Variants in ZNF569 observed in about 807,000 individuals in gnomAD.
ZNF569 encodes the protein DNA-binding protein.
ZNF569 carries 38 observed loss-of-function variants against 56.3 expected under a neutral mutation model. The observed-to-expected ratio is 0.68, with a 90% CI of 0.52 to 0.88. The LOEUF (loss-of-function observed/expected upper bound fraction) is 0.88. ZNF569 is among the 40% of genes least tolerant of loss of function. ZNF569 has a pLI of 0.00. For synonymous variants in ZNF569, 241 were observed against 262.9 expected (o/e 0.92, Z 0.81); for missense variants, 666 against 809.2 (o/e 0.82, Z 2.15).
intron 5 of ZNF569, among the ~76,000 whole-genome samples, chr19:37,425,248 C>T (rs963834335): frequency 2.0e-5 from 3 of 151,712 alleles, no homozygotes; most frequent in Non-Finnish European, 4.4e-5. Flanking sequence ...ACCTCCTAGG[C>T]TCAAGTGATC....
rs201570651 is a variant in ZNF569 at position 37,413,754 on chromosome 19, C to G, written c.904G>C (p.Glu302Gln). Reference protein sequence around the residue: ...HTGEKPYECNECGKAFSQKQS... With the variant: ...HTGEKPYECNQCGKAFSQKQS... Reference sequence around the variant, plus strand: ...TTCTGGCTGAATGCTTTTCCACACTCATTACATTCATAAGGTTTCTCTCCA... The same window carrying G: ...TTCTGGCTGAATGCTTTTCCACACTGATTACATTCATAAGGTTTCTCTCCA... The change falls in exon 6 of 6, where the codon GAG becomes CAG. Residue 302 changes from glutamate to glutamine, a missense_variant. Coordinates refer to ENST00000316950, the MANE Select transcript of ZNF569 (RefSeq NM_152484.3). 2 of 1,613,546 alleles carry G rather than the reference C, an allele frequency of 1.2e-6. No homozygotes were observed. Among genetic ancestry groups the G allele is most frequent in the Non-Finnish European group, 1.7e-6 (2 of 1,179,916 alleles).
chr19:37,444,755 A>G, intron 3 of ZNF569, 152 bp downstream of exon 3: 1 of 551,312 alleles, frequency 1.8e-6, no homozygotes, highest in Non-Finnish European at 3.1e-6. Context: ...CCACATTTTA[A>G]CTCTTCCCTA....
chr19:37,412,497 C>A lies in ZNF569; in HGVS notation c.*100G>T. On this transcript the variant is annotated 3_prime_UTR_variant, in exon 6 of 6. Coordinates refer to ENST00000316950, the MANE Select transcript of ZNF569 (RefSeq NM_152484.3). ...TTGTGGCTTTTTCAGAAGGCTATCC[C>A]ACATTCATAGTTTTCTACTCTGGAA... The A allele has an allele frequency of 7.1e-7, 1 of 1,406,766 alleles. No homozygotes were observed. The highest frequency in any genetic ancestry group is 9.3e-7 in the Non-Finnish European group (1 of 1,079,950). The allele number at this position is 1,406,766 out of a possible 1,614,324, so 87.1% of individuals were successfully genotyped here.
At chr19:37,460,879 T>G (rs1018842539) in intron 2 of ZNF569, among the ~76,000 whole-genome samples, 4 of 151,624 alleles carry the variant, frequency 2.6e-5, no homozygotes, top group African/African-American at 9.7e-5. Context: ...TTCTGGGAGA[T>G]AGTCAAAGGT....
intron 3 of ZNF569, among the ~76,000 whole-genome samples, chr19:37,442,820 A>C (rs1489848542): frequency 6.6e-6 from 1 of 152,240 alleles, no homozygotes; most frequent in Non-Finnish European, 1.5e-5. Context: ...AGCCAGACAC[A>C]GAATACACAG....
chr19:37,450,355 A>G (rs2146953793), intron 2 of ZNF569, among the ~76,000 whole-genome samples: 1 of 152,272 alleles, frequency 6.6e-6, no homozygotes, highest in East Asian at 1.9e-4. Flanking sequence ...ACATTTTATA[A>G]TATTTCTTCA....
rs551063079 is a variant in ZNF569, at chr19:37,420,239, C to T, written c.238+5629G>A. Reference sequence around the variant, plus strand: ...TCCTGACCTCGTGATCTGCCCACCTCGGCCTCCCAAAGTGCTCGGATTACA... The same window carrying T: ...TCCTGACCTCGTGATCTGCCCACCTTGGCCTCCCAAAGTGCTCGGATTACA... On this transcript the variant is annotated intron_variant, in intron 5 of 5. Transcript: ENST00000316950. 5.9e-5 allele frequency among the ~76,000 whole-genome samples: 9 copies of T among 152,090 alleles called. No individual in the cohort carries two copies. The South Asian group carries it at 6.2e-4, about 11-fold the overall frequency.
rs115252356 is a variant in ZNF569 at position 37,420,603 on chromosome 19, G to A, written c.238+5265C>T. ...CTGCAGCAATTCAGTCACATCTTCC[G>A]GCTCTACTTCTAATTCTACTTCTCT... On this transcript the variant is annotated intron_variant, in intron 5 of 5. Coordinates refer to ENST00000316950, the MANE Select transcript of ZNF569 (RefSeq NM_152484.3). Among the ~76,000 whole-genome samples, 1,055 of 152,094 alleles carry A rather than the reference G, an allele frequency of 6.9e-3. 15 individuals are homozygous for A. The highest frequency in any genetic ancestry group is 0.024 in the African/African-American group (982 of 41,482).
intron 2 of ZNF569, chr19:37,454,703 G>C (rs975323030): frequency 8.4e-6 from 5 of 596,478 alleles, no homozygotes; most frequent in South Asian, 8.1e-5. Flanking sequence ...GATTCCCAGA[G>C]GAAAAGCCTA....
chr19:37,415,953 G>A (rs996802431), intron 5 of ZNF569, among the ~76,000 whole-genome samples: 17 of 151,042 alleles, frequency 1.1e-4, no homozygotes, highest in African/African-American at 3.9e-4. Flanking sequence ...ATTAAAAGGC[G>A]TGAGTGCAGT....
chr19:37,448,619 A>G (rs969667452), intron 2 of ZNF569, among the ~76,000 whole-genome samples: 5 of 125,832 alleles, frequency 4.0e-5, no homozygotes, highest in African/African-American at 1.6e-4. Flanking sequence ...GCTGGAGTGC[A>G]GTGTTGTGGT....
intron 2 of ZNF569, among the ~76,000 whole-genome samples, chr19:37,451,861 T>C (rs142169476): frequency 6.6e-6 from 1 of 152,334 alleles, no homozygotes; most frequent in Non-Finnish European, 1.5e-5. Flanking sequence ...AGCATATAGT[T>C]GGGTCTTGTT....
chr19:37,466,060 A>C (rs1176007012), intron 1 of ZNF569, among the ~76,000 whole-genome samples: 1 of 152,248 alleles, frequency 6.6e-6, no homozygotes, highest in Non-Finnish European at 1.5e-5. Flanking sequence ...CACATATAGA[A>C]CATATGAATG....
chr19:37,419,766 A>G (rs1280114470), intron 5 of ZNF569, among the ~76,000 whole-genome samples: 1 of 152,086 alleles, frequency 6.6e-6, no homozygotes, highest in Non-Finnish European at 1.5e-5. Context: ...TATTACGTAT[A>G]TAACAGCATC....
intron 3 of ZNF569, among the ~76,000 whole-genome samples, chr19:37,443,528 C>G (rs1169026750): frequency 6.6e-6 from 1 of 152,050 alleles, no homozygotes; most frequent in Non-Finnish European, 1.5e-5. Flanking sequence ...ACTGGAGATA[C>G]AGCAGTAAAC....
At chr19:37,419,781 C>T (rs759615731) in intron 5 of ZNF569, among the ~76,000 whole-genome samples, 16 of 151,946 alleles carry the variant, frequency 1.1e-4, no homozygotes, top group Non-Finnish European at 1.6e-4. Flanking sequence ...AGCATCATGT[C>T]TAAAAAATGT....
At chr19:37,456,967 CAA>C (rs560827115) in intron 2 of ZNF569, among the ~76,000 whole-genome samples, 2 of 113,816 alleles carry the variant, frequency 1.8e-5, no homozygotes, top group Non-Finnish European at 1.9e-5. Flanking sequence ...GACACCGTCT[CAA>C]AAAAAAAAAA....
chr19:37,415,327 A>G (rs2040910244), intron 5 of ZNF569, among the ~76,000 whole-genome samples: 3 of 152,166 alleles, frequency 2.0e-5, no homozygotes, highest in African/African-American at 2.4e-5. Context: ...AAATCAAGTA[A>G]TCATTTCTGT....
intron 3 of ZNF569, among the ~76,000 whole-genome samples, chr19:37,435,455 G>A (rs1305828505): frequency 6.6e-6 from 1 of 152,092 alleles, no homozygotes; most frequent in Non-Finnish European, 1.5e-5. Flanking sequence ...AAAATAGCAG[G>A]ACTAAGTCCT....
Sources: gnomAD v4.1 joint callset for allele counts (sites outside exome capture counted in the v4.1 genomes callset) on GRCh38, gnomAD v4.1.1 for gene constraint, MANE v1.5 for transcripts, NCBI Gene and HGNC (gene_info 2026-07-23, HGNC 2026-07-21) for gene names.